LRBA: variants seen among roughly 807,000 people sequenced by gnomAD.
The protein encoded by LRBA is lipopolysaccharide-responsive and beige-like anchor protein.
A neutral mutation model predicts 330.0 loss-of-function variants in LRBA; 176 were observed. The ratio of observed to expected loss-of-function variants is 0.53; its 90% confidence interval spans 0.47 to 0.60. The LOEUF (loss-of-function observed/expected upper bound fraction) is 0.60. LRBA is among the 20% of genes least tolerant of loss of function. The pLI, the probability that LRBA is intolerant of heterozygous loss-of-function variation, is 0.00. For missense variants in LRBA, 3,259 were observed against 3,444.8 expected (o/e 0.95, Z 1.35); for synonymous variants, 1,230 against 1,193.0 (o/e 1.03, Z -0.64).
intron 32 of LRBA, among the ~76,000 whole-genome samples, chr4:150,807,241 T>TAC (rs1162459303): frequency 1.3e-5 from 2 of 152,070 alleles, no homozygotes; most frequent in Non-Finnish European, 2.9e-5. Flanking sequence ...CTATTCATAC[T>TAC]ACCAAGAAGA....
chr4:150,653,450 T>C (rs753600457), intron 37 of LRBA, among the ~76,000 whole-genome samples: 3 of 152,180 alleles, frequency 2.0e-5, no homozygotes, highest in Non-Finnish European at 4.4e-5. Flanking sequence ...TACTTCATTT[T>C]ACCTCCTGCA....
At chr4:150,635,677 C>A (rs1251665369) in intron 37 of LRBA, among the ~76,000 whole-genome samples, 1 of 152,108 alleles carries the variant, frequency 6.6e-6, no homozygotes, top group Non-Finnish European at 1.5e-5. Context: ...ACAACAGATA[C>A]TTTCTATAAA....
At chr4:150,425,649 T>C (rs527892892) in intron 46 of LRBA, among the ~76,000 whole-genome samples, 3 of 152,172 alleles carry the variant, frequency 2.0e-5, no homozygotes, top group Non-Finnish European at 2.9e-5. Flanking sequence ...TGTATGATTC[T>C]CCTTTTAATA....
intron 52 of LRBA, among the ~76,000 whole-genome samples, chr4:150,308,806 CAAT>C (rs1330555196): frequency 5.3e-5 from 8 of 152,014 alleles, no homozygotes; most frequent in Non-Finnish European, 1.2e-4. Flanking sequence ...TACAGTTGTA[CAAT>C]GTGTTTGTGT....
chr4:150,985,648 A>G (rs1027483057), intron 2 of LRBA, among the ~76,000 whole-genome samples: 1 of 151,904 alleles, frequency 6.6e-6, no homozygotes, highest in Non-Finnish European at 1.5e-5. Context: ...ACAGGCACCC[A>G]CCACCACACC....
intron 47 of LRBA, among the ~76,000 whole-genome samples, chr4:150,391,647 T>A (rs995083226): frequency 1.3e-5 from 2 of 152,134 alleles, no homozygotes; most frequent in Non-Finnish European, 2.9e-5. Context: ...TGTGTGTAGT[T>A]CCCAACTTCA....
At chr4:150,493,945 G>A (rs972757907) in intron 40 of LRBA, among the ~76,000 whole-genome samples, 4 of 152,072 alleles carry the variant, frequency 2.6e-5, no homozygotes, top group African/African-American at 4.8e-5. Flanking sequence ...TTAGTTGGGC[G>A]TGGTAGCATG....
intron 13 of LRBA, among the ~76,000 whole-genome samples, chr4:150,905,201 A>T (rs1189118419): frequency 2.6e-5 from 4 of 152,162 alleles, no homozygotes; most frequent in Non-Finnish European, 5.9e-5. Flanking sequence ...AAACTGAAAA[A>T]AAAAATTTGT....
chr4:150,494,462 G>T (rs1397436137), intron 40 of LRBA, among the ~76,000 whole-genome samples: 1 of 152,182 alleles, frequency 6.6e-6, no homozygotes, highest in Non-Finnish European at 1.5e-5. Context: ...TCCACTCATT[G>T]CAAAGTCATG....
At chr4:150,893,229 A>G (rs1729661503) in intron 16 of LRBA, 80 bp from the exon 17 acceptor site, 6 of 709,754 alleles carry the variant, frequency 8.5e-6, no homozygotes, top group Non-Finnish European at 1.5e-5. Flanking sequence ...TGAAATAGAA[A>G]TTTCAACATT....
intron 2 of LRBA, among the ~76,000 whole-genome samples, chr4:150,962,700 T>C (rs1204926032): frequency 6.7e-6 from 1 of 149,148 alleles, no homozygotes; most frequent in Non-Finnish European, 1.5e-5. Context: ...GTGCCTGTAA[T>C]CCCAGCACTT....
At chr4:150,639,849 A>ATGTG (rs1778478968) in intron 37 of LRBA, among the ~76,000 whole-genome samples, 1 of 69,380 alleles carries the variant, frequency 1.4e-5, no homozygotes, top group Non-Finnish European at 2.7e-5. Context: ...ATATATATAT[A>ATGTG]TATATATATA....
intron 48 of LRBA, among the ~76,000 whole-genome samples, chr4:150,328,043 G>C (rs1733516515): frequency 6.6e-6 from 1 of 152,098 alleles, no homozygotes; most frequent in Non-Finnish European, 1.5e-5. Flanking sequence ...TAGTAACAAA[G>C]AGATGAATAT....
chr4:150,730,142 A>C (rs1730243537), intron 36 of LRBA, among the ~76,000 whole-genome samples: 1 of 152,204 alleles, frequency 6.6e-6, no homozygotes, highest in African/African-American at 2.4e-5. Flanking sequence ...AAAATGAATA[A>C]ATGGGATGAT....
intron 38 of LRBA, among the ~76,000 whole-genome samples, chr4:150,597,701 C>G (rs890853880): frequency 6.6e-6 from 1 of 151,294 alleles, no homozygotes; most frequent in Admixed American, 6.6e-5. Flanking sequence ...CAAAACAAAC[C>G]AGAAAATCCA....
intron 2 of LRBA, among the ~76,000 whole-genome samples, chr4:150,953,632 G>A (rs966684754): frequency 1.3e-5 from 2 of 152,178 alleles, no homozygotes; most frequent in East Asian, 1.9e-4. Flanking sequence ...CCGAGGTGCC[G>A]GGATTGCAGA....
chr4:150,335,119 C>T (rs937938792), intron 48 of LRBA, among the ~76,000 whole-genome samples: 1 of 151,898 alleles, frequency 6.6e-6, no homozygotes, highest in Non-Finnish European at 1.5e-5. Context: ...CATAAGCCAA[C>T]ACACCCAGCC....
Position 150,845,684 on chromosome 4 carries a change from A to T in LRBA, c.4340-905T>A, listed in dbSNP as rs1351470437. On this transcript the variant is annotated intron_variant, in intron 26 of 56. Coordinates refer to ENST00000651943, the MANE Select transcript of LRBA (RefSeq NM_001364905.1). ...AGCAGGCATGAGAATTTAGAAAGAAAGTGTTCTGAAAGGTGCCCAAAGAGA... is the reference window on the plus strand; with the variant it reads ...AGCAGGCATGAGAATTTAGAAAGAATGTGTTCTGAAAGGTGCCCAAAGAGA... 3.3e-5 allele frequency among the ~76,000 whole-genome samples: 5 copies of T among 152,232 alleles called. No individual in the cohort carries two copies. The East Asian group carries it at 9.6e-4, about 29-fold the overall frequency.
intron 44 of LRBA, among the ~76,000 whole-genome samples, chr4:150,445,365 CTCTCTCTCTCTCTATA>C (rs1216353573): frequency 1.1e-4 from 8 of 74,150 alleles, no homozygotes; most frequent in African/African-American, 3.4e-4. Flanking sequence ...CTCTCTCTCT[CTCTCTCTCTCTCTATA>C]TATATATATA....
Sources: gnomAD v4.1 joint callset for allele counts (sites outside exome capture counted in the v4.1 genomes callset) on GRCh38, gnomAD v4.1.1 for gene constraint, MANE v1.5 for transcripts, NCBI Gene and HGNC (gene_info 2026-07-23, HGNC 2026-07-21) for gene names.